AUTS2: variants seen among roughly 807,000 people sequenced by gnomAD.
AUTS2 encodes the protein autism susceptibility gene 2 protein.
AUTS2 carries 17 observed loss-of-function variants against 112.4 expected under a neutral mutation model. The observed-to-expected ratio is 0.15, with a 90% CI of 0.10 to 0.23. The LOEUF (loss-of-function observed/expected upper bound fraction) is 0.23. Among genes scored for constraint, AUTS2 ranks in the 10% least tolerant of loss-of-function variants. The pLI is 1.00. For missense variants in AUTS2, 1,510 were observed against 1,701.6 expected, an observed-to-expected ratio of 0.89 and a Z score of 1.98; for synonymous variants, 751 against 702.7, an observed-to-expected ratio of 1.07 and a Z score of -1.09.
intron 4 of AUTS2, among the ~76,000 whole-genome samples, chr7:70,434,380 A>T (rs1171694982): frequency 6.6e-6 from 1 of 152,222 alleles, no homozygotes; most frequent in Non-Finnish European, 1.5e-5. Context: ...TCTAGCCAGC[A>T]GTGGCTGCCC....
intron 5 of AUTS2, among the ~76,000 whole-genome samples, chr7:70,697,555 A>G (rs73182119): frequency 0.091 from 9,688 of 106,236 alleles, 449 homozygotes; most frequent in Non-Finnish European, 0.13. Flanking sequence ...GCTGCACTTC[A>G]GAATTCCCCC....
chr7:70,724,223 G>C (rs1314661960), intron 6 of AUTS2, among the ~76,000 whole-genome samples: 1 of 152,060 alleles, frequency 6.6e-6, no homozygotes, highest in Admixed American at 6.5e-5. Context: ...AGATGTGGCT[G>C]TGATTTTGCA....
chr7:70,328,817 T>G (rs1174530809), intron 4 of AUTS2, among the ~76,000 whole-genome samples: 1 of 152,206 alleles, frequency 6.6e-6, no homozygotes, highest in African/African-American at 2.4e-5. Flanking sequence ...ATTAACAATT[T>G]TAAAGTGAAC....
At chr7:70,750,329 T>C (rs1037710242) in intron 6 of AUTS2, among the ~76,000 whole-genome samples, 1 of 125,548 alleles carries the variant, frequency 8.0e-6, no homozygotes, top group Non-Finnish European at 1.5e-5. Context: ...AGATGGAAAG[T>C]CTTTTTTTTT....
intron 5 of AUTS2, among the ~76,000 whole-genome samples, chr7:70,554,233 T>A (rs1479133826): frequency 6.6e-6 from 1 of 151,492 alleles, no homozygotes. Context: ...CACGCCTGGC[T>A]AATTTTTGTA....
intron 4 of AUTS2, among the ~76,000 whole-genome samples, chr7:70,169,666 A>G (rs1432329123): frequency 6.6e-6 from 1 of 152,206 alleles, no homozygotes; most frequent in Non-Finnish European, 1.5e-5. Context: ...TATGAGTGCC[A>G]TATGGCTGTA....
intron 6 of AUTS2, among the ~76,000 whole-genome samples, chr7:70,756,846 A>G (rs1484144475): frequency 6.6e-6 from 1 of 152,218 alleles, no homozygotes; most frequent in Non-Finnish European, 1.5e-5. Flanking sequence ...AACCCATGCA[A>G]AGAATTACTT....
chr7:70,168,268 G>T (rs80345294), intron 4 of AUTS2, among the ~76,000 whole-genome samples: 6,818 of 152,120 alleles, frequency 0.045, 192 homozygotes, highest in East Asian at 0.13. Context: ...ATTTATGCAG[G>T]CTCTCTGAGC....
At chr7:70,783,078 C>CTT (rs1407845149) in intron 15 of AUTS2, 1 of 152,164 alleles carries the variant, frequency 6.6e-6, no homozygotes, top group African/African-American at 2.4e-5. Context: ...GAATTGGCTT[C>CTT]TTTTGCTTCA....
chr7:70,215,553 G>A (rs1811125357), intron 4 of AUTS2, among the ~76,000 whole-genome samples: 1 of 152,122 alleles, frequency 6.6e-6, no homozygotes, highest in South Asian at 2.1e-4. Flanking sequence ...TGTTTGGCAG[G>A]GTGGTTGGAG....
intron 5 of AUTS2, among the ~76,000 whole-genome samples, chr7:70,492,181 G>A (rs1183655438): frequency 6.6e-6 from 1 of 152,100 alleles, no homozygotes; most frequent in Admixed American, 6.5e-5. Flanking sequence ...CAGGGGTGCA[G>A]GTGTTCCCTA....
At chr7:70,685,660 C>A (rs1164294182) in intron 5 of AUTS2, among the ~76,000 whole-genome samples, 1 of 152,038 alleles carries the variant, frequency 6.6e-6, no homozygotes, top group African/African-American at 2.4e-5. Context: ...CAGCATCCAA[C>A]TGAGGAACAT....
At chr7:70,657,805 C>T (rs184410555) in intron 5 of AUTS2, among the ~76,000 whole-genome samples, 11 of 152,268 alleles carry the variant, frequency 7.2e-5, no homozygotes, top group African/African-American at 1.9e-4. Context: ...TACTTGACCA[C>T]GTGTGAACAA....
chr7:69,932,944 T>A (rs1283476332), intron 2 of AUTS2, among the ~76,000 whole-genome samples: 4 of 152,202 alleles, frequency 2.6e-5, no homozygotes, highest in Admixed American at 6.5e-5. Context: ...AACTCCAGGA[T>A]AAATACAAGA....
intron 5 of AUTS2, among the ~76,000 whole-genome samples, chr7:70,518,276 G>A (rs1563010996): frequency 1.3e-5 from 2 of 152,248 alleles, no homozygotes; most frequent in East Asian, 3.9e-4. Flanking sequence ...AGGACGCAGG[G>A]GAGAAGTTAT....
At chr7:69,872,831 A>ATTTTTTTTTTTT in intron 1 of AUTS2, among the ~76,000 whole-genome samples, 1 of 90,536 alleles carries the variant, frequency 1.1e-5, no homozygotes, top group African/African-American at 4.8e-5. Flanking sequence ...TGTAGCCTAT[A>ATTTTTTTTTTTT]TTCTTTTTTT....
intron 5 of AUTS2, among the ~76,000 whole-genome samples, chr7:70,623,992 C>T (rs942952171): frequency 2.0e-5 from 3 of 152,232 alleles, no homozygotes; most frequent in Admixed American, 1.3e-4. Flanking sequence ...TGGTAATCGT[C>T]GCTGTCTCCT....
In AUTS2 at chr7:69,886,763, T is replaced by TTGTGTGTGTGTG. The variant is rs3220664; in HGVS notation, c.310-12487_310-12476dup. On this transcript the variant is annotated intron_variant, in intron 1 of 18. Coordinates refer to ENST00000342771, the MANE Select transcript of AUTS2 (RefSeq NM_015570.4). Reference sequence around the variant, plus strand: ...GCCTGTTAATGCAGATTTGACTTCTTTGTGTGTGTGTGTGTGTGTGTGTGT... The same window carrying TTGTGTGTGTGTG: ...GCCTGTTAATGCAGATTTGACTTCTTTGTGTGTGTGTGTGTGTGTGTGTGTGTGTGTGTGTGT... 6.9e-4 allele frequency among the ~76,000 whole-genome samples: 89 copies of TTGTGTGTGTGTG among 129,866 alleles called. 1 individual carries two copies. Among genetic ancestry groups the TTGTGTGTGTGTG allele is most frequent in the East Asian group, 1.8e-3 (8 of 4,360 alleles). The allele number at this position is 129,866 out of a possible 152,430, so 85.2% of individuals were successfully genotyped here.
rs145551086 is a variant in AUTS2, at chr7:70,578,583, T to G, written c.691-119986T>G. On this transcript the variant is annotated intron_variant, in intron 5 of 18. Transcript: ENST00000342771. Reference sequence around the variant, plus strand: ...AACTAGAGCACCAAAACAATATGCTTCTTCTAGATTTGCCATTGAGTTCAC... The same window carrying G: ...AACTAGAGCACCAAAACAATATGCTGCTTCTAGATTTGCCATTGAGTTCAC... Among the ~76,000 whole-genome samples the G allele has an allele frequency of 1.1e-3, 165 of 152,342 alleles. 2 individuals are homozygous for G. The East Asian group carries it at 0.013, about 12-fold the overall frequency.
Sources: gnomAD v4.1 joint callset for allele counts (sites outside exome capture counted in the v4.1 genomes callset) on GRCh38, gnomAD v4.1.1 for gene constraint, MANE v1.5 for transcripts, NCBI Gene and HGNC (gene_info 2026-07-23, HGNC 2026-07-21) for gene names.